Variants in RETREG3 observed in about 807,000 individuals in gnomAD.
RETREG3 encodes reticulophagy regulator family member 3.
RETREG3 carries 23 observed loss-of-function variants against 50.2 expected under a neutral mutation model. The ratio of observed to expected loss-of-function variants is 0.46; its 90% CI spans 0.33 to 0.65. RETREG3 has a LOEUF of 0.65. Ranked by LOEUF, RETREG3 falls within the 30% of genes least tolerant of loss-of-function variation. The pLI, the probability that RETREG3 is intolerant of heterozygous loss-of-function variation, is 0.02. For missense variants in RETREG3, 546 were observed against 598.0 expected (o/e 0.91, Z 0.91); for synonymous variants, 240 against 234.4 (o/e 1.02, Z -0.22).
chr17:42,588,543 G>C (rs1246030721), intron 2 of RETREG3, among the ~76,000 whole-genome samples: 1 of 151,972 alleles, frequency 6.6e-6, no homozygotes, highest in East Asian at 1.9e-4. Flanking sequence ...GCTAATTTTT[G>C]TGTTTTTAGT....
chr17:42,605,990 CAAA>C (rs764477176), intron 1 of RETREG3, among the ~76,000 whole-genome samples: 1 of 65,078 alleles, frequency 1.5e-5, no homozygotes, highest in Admixed American at 1.8e-4. Context: ...GACTCCATCT[CAAA>C]AAAAAAAAAA....
At chr17:42,590,603 T>C (rs867801209) in intron 2 of RETREG3, among the ~76,000 whole-genome samples, 2 of 151,956 alleles carry the variant, frequency 1.3e-5, no homozygotes, top group South Asian at 2.1e-4. Flanking sequence ...GCCCGGAAGG[T>C]TGAGGCCACA....
intron 1 of RETREG3, among the ~76,000 whole-genome samples, chr17:42,597,600 TATATATATATATATATATA>T (rs1482861480): frequency 4.1e-4 from 1 of 2,440 alleles, no homozygotes; most frequent in Non-Finnish European, 2.6e-3. Flanking sequence ...TATATATATA[TATATATATATATATATATA>T]TTTTTTTTTT....
In RETREG3 at chr17:42,581,714, C is replaced by T. The variant is rs2093109050; in HGVS notation, c.*99G>A. ...GGCCACCCAGCATACAAATATAATTCAGGGGAGGGGAGCTGAGTTCTTCCC... is the reference window on the plus strand; with the variant it reads ...GGCCACCCAGCATACAAATATAATTTAGGGGAGGGGAGCTGAGTTCTTCCC... On this transcript the variant is annotated 3_prime_UTR_variant, in exon 9 of 9. Coordinates refer to ENST00000309428, the MANE Select transcript of RETREG3 (RefSeq NM_178126.4). The T allele has an allele frequency of 8.9e-7, 1 of 1,121,100 alleles. No individual in the cohort carries two copies. 69.4% of individuals were successfully genotyped at this position (1,121,100 alleles called of 1,614,324 possible). A position where few individuals can be genotyped will look rare whatever the true frequency, so the allele number is the denominator to read the frequency against.
intron 3 of RETREG3, 71 bp downstream of exon 3, chr17:42,587,749 GAACATGGGGTTAAC>G: frequency 6.5e-7 from 1 of 1,527,890 alleles, no homozygotes; most frequent in East Asian, 2.3e-5. Context: ...TGTGTGTCCA[GAACATGGGGTTAAC>G]AACATGTAAC....
chr17:42,582,366 A>C, intron 8 of RETREG3, 96 bp from the exon 9 acceptor site: 1 of 1,235,528 alleles, frequency 8.1e-7, no homozygotes, highest in Non-Finnish European at 1.1e-6. Context: ...TGGCTTTCTC[A>C]GGGCGAAATA....
At chr17:42,588,419 T>G (rs937111907) in intron 2 of RETREG3, among the ~76,000 whole-genome samples, 5 of 151,944 alleles carry the variant, frequency 3.3e-5, no homozygotes, top group Admixed American at 6.6e-5. Flanking sequence ...CTAATTTTTT[T>G]TTTTTTTGGA....
intron 1 of RETREG3, among the ~76,000 whole-genome samples, chr17:42,606,878 T>C (rs769114491): frequency 5.3e-5 from 8 of 152,012 alleles, no homozygotes; most frequent in Non-Finnish European, 1.2e-4. Context: ...ATGCCTGTAA[T>C]CCCAGCTGCT....
intron 1 of RETREG3, among the ~76,000 whole-genome samples, chr17:42,594,130 A>T (rs551965651): frequency 6.6e-6 from 1 of 152,390 alleles, no homozygotes; most frequent in South Asian, 2.1e-4. Flanking sequence ...TAGAGGTTGC[A>T]GTGAGCGGAG....
chr17:42,601,202 G>A (rs907313231), intron 1 of RETREG3, among the ~76,000 whole-genome samples: 5 of 151,986 alleles, frequency 3.3e-5, no homozygotes, highest in Admixed American at 6.6e-5. Flanking sequence ...GCTTGAATCC[G>A]GGAGGCGGAG....
At chr17:42,596,359 C>CAAAAAAAAAAAAAAAAAAAAAA (rs60457978) in intron 1 of RETREG3, among the ~76,000 whole-genome samples, 2 of 64,728 alleles carry the variant, frequency 3.1e-5, no homozygotes, top group African/African-American at 1.3e-4. Flanking sequence ...GACCCTTTCT[C>CAAAAAAAAAAAAAAAAAAAAAA]AAAAAAAAAA....
At chr17:42,587,061 G>C (rs2093122853) in intron 3 of RETREG3, 170 bp from the exon 4 acceptor site, 1 of 884,248 alleles carries the variant, frequency 1.1e-6, no homozygotes, top group Admixed American at 3.0e-5. Flanking sequence ...GTTGAAATCT[G>C]AATTTAGGTA....
intron 2 of RETREG3, among the ~76,000 whole-genome samples, chr17:42,591,122 A>G (rs2093132280): frequency 6.6e-6 from 1 of 152,330 alleles, no homozygotes; most frequent in South Asian, 2.1e-4. Flanking sequence ...TCCTCAGACT[A>G]ATCAAGCCAC....
intron 6 of RETREG3, among the ~76,000 whole-genome samples, chr17:42,584,157 A>T (rs892696585): frequency 6.6e-6 from 1 of 152,178 alleles, no homozygotes; most frequent in East Asian, 1.9e-4. Context: ...GGCTTTGTCA[A>T]CAACTCTCTG....
intron 1 of RETREG3, among the ~76,000 whole-genome samples, chr17:42,600,212 A>T (rs1240786040): frequency 6.6e-6 from 1 of 152,030 alleles, no homozygotes; most frequent in Non-Finnish European, 1.5e-5. Context: ...GCAAGACCTC[A>T]TCTCTACTGA....
At chr17:42,582,946 G>T in intron 7 of RETREG3, 140 bp from the exon 8 acceptor site, 1 of 1,089,170 alleles carries the variant, frequency 9.2e-7, no homozygotes, top group Non-Finnish European at 1.3e-6. Context: ...GTAACTTCCC[G>T]TTGAAAACTC....
chr17:42,601,836 G>A (rs902457896), intron 1 of RETREG3, among the ~76,000 whole-genome samples: 9 of 151,586 alleles, frequency 5.9e-5, no homozygotes, highest in Non-Finnish European at 1.2e-4. Flanking sequence ...TTTCTCCATT[G>A]TTGGTCAGGC....
intron 1 of RETREG3, among the ~76,000 whole-genome samples, chr17:42,596,223 T>C (rs1190213543): frequency 6.7e-6 from 1 of 150,140 alleles, no homozygotes; most frequent in Non-Finnish European, 1.5e-5. Flanking sequence ...AAAAAAAAAA[T>C]TAGCCAGGTA....
At chr17:42,598,075 G>A (rs896444469) in intron 1 of RETREG3, among the ~76,000 whole-genome samples, 10 of 146,316 alleles carry the variant, frequency 6.8e-5, no homozygotes, top group East Asian at 4.1e-4. Context: ...TCCATCTCTC[G>A]GGTTCATGCC....
Sources: allele counts gnomAD v4.1 joint callset (sites outside exome capture counted in the v4.1 genomes callset), GRCh38; gene constraint gnomAD v4.1.1; transcripts MANE v1.5; gene names NCBI Gene and HGNC (gene_info 2026-07-23, HGNC 2026-07-21).